The following SGCZ variants were observed in gnomAD, a reference collection of about 807,000 sequenced individuals.
The protein encoded by SGCZ is zeta-sarcoglycan.
SGCZ carries 40 observed loss-of-function variants against 41.3 expected under a neutral mutation model. The ratio of observed to expected loss-of-function variants is 0.97; its 90% CI spans 0.75 to 1.26. SGCZ has a LOEUF of 1.26. Among genes scored for constraint, SGCZ ranks in the 50% most tolerant of loss-of-function variants. SGCZ has a pLI of 0.00. For missense variants in SGCZ, 552 were observed against 369.8 expected, an observed-to-expected ratio of 1.49 and a Z score of -4.04; for synonymous variants, 206 against 137.5, an observed-to-expected ratio of 1.50 and a Z score of -3.49.
intron 1 of SGCZ, among the ~76,000 whole-genome samples, chr8:14,590,950 G>C (rs891716961): frequency 2.7e-5 from 4 of 150,104 alleles, no homozygotes; most frequent in Admixed American, 1.3e-4. Context: ...TGTATATAAT[G>C]TCATAAATAT....
chr8:14,381,333 C>A (rs1466994533), intron 2 of SGCZ, among the ~76,000 whole-genome samples: 1 of 152,280 alleles, frequency 6.6e-6, no homozygotes, highest in East Asian at 1.9e-4. Context: ...AAACATACAA[C>A]CTTCTACAAT....
At chr8:14,142,051 G>A (rs774946933) in intron 5 of SGCZ, among the ~76,000 whole-genome samples, 5 of 152,138 alleles carry the variant, frequency 3.3e-5, no homozygotes, top group Non-Finnish European at 5.9e-5. Context: ...ATCATACTGA[G>A]CAAACTATCG....
intron 1 of SGCZ, among the ~76,000 whole-genome samples, chr8:15,039,177 C>G (rs1258308866): frequency 6.6e-6 from 1 of 152,086 alleles, no homozygotes; most frequent in Non-Finnish European, 1.5e-5. Context: ...ATCTGAACTC[C>G]TATGTTCACT....
chr8:14,723,112 G>A (rs77404501), intron 1 of SGCZ, among the ~76,000 whole-genome samples: 7,799 of 152,166 alleles, frequency 0.051, 663 homozygotes, highest in African/African-American at 0.18. Flanking sequence ...TAAGATCACG[G>A]GATCCTTTTC....
Position 14,381,551 on chromosome 8 carries a change from G to C in SGCZ, c.235-57347C>G, listed in dbSNP as rs189127460. On this transcript the variant is annotated intron_variant, in intron 2 of 7. Coordinates refer to ENST00000382080, the MANE Select transcript of SGCZ (RefSeq NM_139167.4). ...GTATGGTGGGAAGCTCAACCAGGCA[G>C]ATCGCTTGAGCCCAGGAGTCTGAGA... Among the ~76,000 whole-genome samples, 28 of 152,060 alleles carry C rather than the reference G, an allele frequency of 1.8e-4. 1 individual carries two copies. In the East Asian group the frequency reaches 4.3e-3, roughly 23 times the overall value.
intron 2 of SGCZ, among the ~76,000 whole-genome samples, chr8:14,460,751 C>A (rs985031843): frequency 1.3e-5 from 2 of 152,124 alleles, no homozygotes; most frequent in Admixed American, 6.6e-5. Flanking sequence ...GGTACAATAG[C>A]AAGATGCCTA....
In SGCZ at chr8:14,147,839, A is replaced by G. The variant is rs76830076; in HGVS notation, c.547+16741T>C. ...AACAAGTCTGAAAACATTTAAAAAA[A>G]TGGAAATAATGTCAAGCATATTCCC... is the stretch of plus-strand genomic sequence containing the variant. On this transcript the variant is annotated intron_variant, in intron 5 of 7. Coordinates refer to ENST00000382080, the MANE Select transcript of SGCZ (RefSeq NM_139167.4). Among the ~76,000 whole-genome samples the G allele has an allele frequency of 3.5e-3, 536 of 152,310 alleles. 5 individuals carry two copies. The highest frequency in any genetic ancestry group is 0.024 in the Middle Eastern group (7 of 294).
intron 1 of SGCZ, among the ~76,000 whole-genome samples, chr8:15,158,072 G>A (rs12678727): frequency 0.31 from 47,269 of 151,486 alleles, 7,674 homozygotes; most frequent in East Asian, 0.58. Context: ...AACACAAATG[G>A]TATCATCTCC....
chr8:14,561,086 G>T (rs1484098022), intron 1 of SGCZ, among the ~76,000 whole-genome samples: 2 of 151,988 alleles, frequency 1.3e-5, no homozygotes, highest in Admixed American at 6.6e-5. Context: ...GATCACAAAA[G>T]CTTTCAGTGG....
intron 1 of SGCZ, among the ~76,000 whole-genome samples, chr8:14,603,764 C>CA (rs975651140): frequency 6.6e-6 from 1 of 152,132 alleles, no homozygotes; most frequent in Admixed American, 6.5e-5. Flanking sequence ...TGCTTTCTCC[C>CA]AAAAAATTAT....
chr8:14,695,036 G>A (rs1377938785), intron 1 of SGCZ, among the ~76,000 whole-genome samples: 2 of 152,122 alleles, frequency 1.3e-5, no homozygotes, highest in Non-Finnish European at 2.9e-5. Context: ...GACTTGCAAT[G>A]CCTTGGAAAA....
At chr8:14,722,317 G>C (rs1231584313) in intron 1 of SGCZ, among the ~76,000 whole-genome samples, 2 of 152,040 alleles carry the variant, frequency 1.3e-5, no homozygotes, top group Admixed American at 1.3e-4. Flanking sequence ...TGAAAGTATT[G>C]TCTTCGGTAG....
chr8:14,269,330 G>C (rs111308785), intron 3 of SGCZ, among the ~76,000 whole-genome samples: 6 of 152,192 alleles, frequency 3.9e-5, no homozygotes, highest in African/African-American at 1.4e-4. Context: ...TATATTAGAA[G>C]CAGTGCTAAT....
intron 1 of SGCZ, among the ~76,000 whole-genome samples, chr8:15,155,390 C>T (rs1236655273): frequency 6.6e-6 from 1 of 152,174 alleles, no homozygotes; most frequent in Non-Finnish European, 1.5e-5. Flanking sequence ...ATTGAAATAT[C>T]ATACTGTACC....
intron 4 of SGCZ, among the ~76,000 whole-genome samples, chr8:14,225,854 G>C (rs976634104): frequency 3.3e-5 from 5 of 152,066 alleles, no homozygotes; most frequent in Non-Finnish European, 7.4e-5. Flanking sequence ...AAGAAGGCTT[G>C]AGTTATTTCA....
At chr8:14,397,630 C>T (rs1275786774) in intron 2 of SGCZ, among the ~76,000 whole-genome samples, 1 of 152,072 alleles carries the variant, frequency 6.6e-6, no homozygotes, top group Admixed American at 6.6e-5. Context: ...TTCTCCAAGT[C>T]AGGCAGCGAT....
chr8:14,999,458 C>A (rs77573880), intron 1 of SGCZ, among the ~76,000 whole-genome samples: 1 of 152,066 alleles, frequency 6.6e-6, no homozygotes, highest in Non-Finnish European at 1.5e-5. Context: ...GGAAAAAGTT[C>A]TCCAATAAAA....
intron 1 of SGCZ, among the ~76,000 whole-genome samples, chr8:15,185,247 A>C (rs1270775357): frequency 6.6e-6 from 1 of 152,254 alleles, no homozygotes; most frequent in East Asian, 1.9e-4. Flanking sequence ...GATACTCCTG[A>C]AAATTTCCAC....
intron 4 of SGCZ, among the ~76,000 whole-genome samples, chr8:14,200,667 T>A (rs932730162): frequency 1.3e-5 from 2 of 152,094 alleles, no homozygotes; most frequent in African/African-American, 4.8e-5. Context: ...ATAGAAAAAA[T>A]AAGTCAAAAT....
Sources: gnomAD v4.1 joint callset for allele counts (sites outside exome capture counted in the v4.1 genomes callset) on GRCh38, gnomAD v4.1.1 for gene constraint, MANE v1.5 for transcripts, NCBI Gene and HGNC (gene_info 2026-07-23, HGNC 2026-07-21) for gene names.